The following MR1 variants were observed in gnomAD, a reference collection of about 807,000 sequenced individuals.
MR1 encodes the protein major histocompatibility complex, class I-related.
A neutral mutation model predicts 37.8 loss-of-function variants in MR1; 44 were observed. The observed-to-expected ratio is 1.16, with a 90% CI of 0.91 to 1.50. The LOEUF (loss-of-function observed/expected upper bound fraction) is 1.50, where lower values mean the gene tolerates loss of function less well. Ranked by LOEUF, MR1 falls within the 40% of genes most tolerant of loss-of-function variation. The pLI, the probability that MR1 is intolerant of heterozygous loss-of-function variation, is 0.00. For synonymous variants in MR1, 153 were observed against 155.8 expected (o/e 0.98, Z 0.13); for missense variants, 386 against 419.1 (o/e 0.92, Z 0.69).
chr1:181,052,409 A>C lies in MR1; in HGVS notation c.779A>C (p.Tyr260Ser). ...ATTCTTCCCAGTGGGGATGGAACCT[A>C]TCAGGCGTGGGCATCAATTGAGCTT... ...GDILPSGDGT[Y>S]QAWASIELDP... is the part of the protein sequence containing the mutation. Residue 260 changes from tyrosine to serine, a missense_variant, in exon 4 of 6, where the codon TAT becomes TCT. Physicochemically the swap from Tyr to Ser is moderately radical, Grantham distance 144 (BLOSUM62 -2). Transcript: ENST00000367580. The C allele has an allele frequency of 6.2e-7, 1 of 1,614,186 alleles. No homozygotes were observed.
At chr1:181,052,807 C>T (rs1658396460) in intron 4 of MR1, among the ~76,000 whole-genome samples, 1 of 152,230 alleles carries the variant, frequency 6.6e-6, no homozygotes, top group Non-Finnish European at 1.5e-5. Flanking sequence ...TGGCTCATGC[C>T]TGTAATCCCA....
chr1:181,039,739 G>A (rs190504247), intron 1 of MR1, among the ~76,000 whole-genome samples: 10 of 151,802 alleles, frequency 6.6e-5, no homozygotes, highest in East Asian at 1.9e-4. Context: ...AGTGGTGGGC[G>A]CCTATAATCC....
At chr1:181,038,164 T>C (rs1657368993) in intron 1 of MR1, among the ~76,000 whole-genome samples, 1 of 152,184 alleles carries the variant, frequency 6.6e-6, no homozygotes, top group African/African-American at 2.4e-5. Flanking sequence ...AGAATATACC[T>C]ATATGAAGTG....
rs566378730 is a variant in MR1 at position 181,044,771 on chromosome 1, G to A, written c.68-4281G>A. On this transcript the variant is annotated intron_variant, in intron 1 of 5. Transcript: ENST00000367580. ...CCTGAGGGGTGGCCAAGAGGTGGGA[G>A]GATCACTTAAGCCCAGGACAAGCTC... 6.0e-4 allele frequency among the ~76,000 whole-genome samples: 92 copies of A among 152,378 alleles called. No homozygotes were observed. The South Asian group carries it at 7.2e-3, about 12-fold the overall frequency.
At position 181,057,120 on chromosome 1, in the gene MR1, CAA is replaced by C. The variant is rs11290542; in HGVS notation, c.*1865_*1866del. 8 of 149,500 alleles carry C rather than the reference CAA, an allele frequency of 5.4e-5. No homozygotes were observed. Among genetic ancestry groups the C allele is most frequent in the South Asian group, 2.1e-4 (1 of 4,744 alleles). The allele number at this position is 149,500 out of a possible 1,614,324, so 9.3% of individuals were successfully genotyped here. On this transcript the variant is annotated 3_prime_UTR_variant, in exon 6 of 6. Transcript: ENST00000367580. The stretch of plus-strand genomic sequence containing the variant: ...GGGCAACGGAGCAAGACTCTGTCTC[CAA>C]AAAAAAAAAGAAAGATACCCTCAGT...
intron 1 of MR1, among the ~76,000 whole-genome samples, chr1:181,038,969 A>C (rs1657418288): frequency 6.6e-6 from 1 of 151,856 alleles, no homozygotes; most frequent in Non-Finnish European, 1.5e-5. Context: ...ACACCCAGCT[A>C]ATTTTTTGCA....
chr1:181,039,992 T>C (rs917743542), intron 1 of MR1, among the ~76,000 whole-genome samples: 1 of 152,154 alleles, frequency 6.6e-6, no homozygotes, highest in Non-Finnish European at 1.5e-5. Context: ...AACTGGTTAA[T>C]GGACAGGTTA....
At position 181,050,561 on chromosome 1, in the gene MR1, G is replaced by A. The variant is rs184678860; in HGVS notation, c.604+275G>A. 3.6e-4 allele frequency: 154 copies of A among 427,316 alleles called. No individual in the cohort carries two copies. In the Middle Eastern group the frequency reaches 4.1e-3, roughly 11 times the overall value. The allele number at this position is 427,316 out of a possible 1,614,324, so 26.5% of individuals were successfully genotyped here. On this transcript the variant is annotated intron_variant, in intron 3 of 5. Coordinates refer to ENST00000367580, the MANE Select transcript of MR1 (RefSeq NM_001385161.1). ...CTATTGAGGCAAATTCTTCCATTCC[G>A]TCAATGATAAGCTGGGAAATTCTTT...
chr1:181,060,195 C>T lies in MR1; in HGVS notation c.*4930C>T, dbSNP rs532748164. 7 of 152,258 alleles carry T rather than the reference C, an allele frequency of 4.6e-5. No homozygotes were observed. The highest frequency in any genetic ancestry group is 4.6e-4 in the Admixed American group (7 of 15,292). 9.4% of individuals were successfully genotyped at this position (152,258 alleles called of 1,614,324 possible). On this transcript the variant is annotated 3_prime_UTR_variant, in exon 6 of 6. Coordinates refer to ENST00000367580, the MANE Select transcript of MR1 (RefSeq NM_001385161.1). ...ACTCTAGTCTTCATTTGGTGTTCTCCCTGCATGCATGGCTTTGTGTCCAAA... is the reference window on the plus strand; with the variant it reads ...ACTCTAGTCTTCATTTGGTGTTCTCTCTGCATGCATGGCTTTGTGTCCAAA...
chr1:181,055,101 T>C, intron 5 of MR1, 124 bp from the exon 6 acceptor site: 1 of 844,676 alleles, frequency 1.2e-6, no homozygotes. Flanking sequence ...ACTAAGAGAA[T>C]CTTGACAAAG....
At chr1:181,049,620 T>C in intron 2 of MR1, 2 of 498,818 alleles carry the variant, frequency 4.0e-6, no homozygotes, top group Non-Finnish European at 3.6e-6. Context: ...TTGCCCATTC[T>C]GCGTCTCACT....
chr1:181,034,414 G>C (rs2102352543), intron 1 of MR1, among the ~76,000 whole-genome samples: 1 of 152,212 alleles, frequency 6.6e-6, no homozygotes, highest in South Asian at 2.1e-4. Flanking sequence ...GTCTCATGAG[G>C]ATGTAGTCAG....
intron 3 of MR1, chr1:181,051,245 C>T (rs1658300625): frequency 1.3e-5 from 2 of 150,458 alleles, no homozygotes; most frequent in Non-Finnish European, 3.0e-5. Context: ...TCAAAACACA[C>T]TCCTAAAAAA....
chr1:181,051,041 A>C (rs1658287580), intron 3 of MR1: 1 of 152,196 alleles, frequency 6.6e-6, no homozygotes, highest in Admixed American at 6.5e-5. Context: ...TTATACCTTA[A>C]AGATATGATT....
At chr1:181,049,801 C>CCCAAGGCGGGAA in intron 2 of MR1, 1 of 592,052 alleles carries the variant, frequency 1.7e-6, no homozygotes, top group East Asian at 2.8e-5. Context: ...TAGCACACTC[C>CCCAAGGCGGGAA]TTTGACAGGC....
At chr1:181,049,614 C>T (rs1043281693) in intron 2 of MR1, 1 of 502,188 alleles carries the variant, frequency 2.0e-6, no homozygotes, top group African/African-American at 1.9e-5. Flanking sequence ...CTAAATTTGC[C>T]CATTCTGCGT....
At chr1:181,042,321 C>T (rs1657598891) in intron 1 of MR1, among the ~76,000 whole-genome samples, 1 of 151,154 alleles carries the variant, frequency 6.6e-6, no homozygotes, top group Non-Finnish European at 1.5e-5. Flanking sequence ...TCCTGCCTCA[C>T]CTCCCTAGTA....
intron 1 of MR1, among the ~76,000 whole-genome samples, chr1:181,034,671 A>AACC (rs1276835949): frequency 6.9e-6 from 1 of 144,330 alleles, no homozygotes; most frequent in African/African-American, 2.5e-5. Flanking sequence ...CATGGGCTAG[A>AACC]ACCACCAGGC....
chr1:181,045,622 G>A (rs561916212), intron 1 of MR1, among the ~76,000 whole-genome samples: 3 of 152,194 alleles, frequency 2.0e-5, no homozygotes, highest in African/African-American at 7.2e-5. Flanking sequence ...TCTCTCCTAA[G>A]GGCCCACACC....
Sources: gnomAD v4.1 joint callset for allele counts (sites outside exome capture counted in the v4.1 genomes callset) on GRCh38, gnomAD v4.1.1 for gene constraint, MANE v1.5 for transcripts, NCBI Gene and HGNC (gene_info 2026-07-23, HGNC 2026-07-21) for gene names.